Variants in SCGN observed in about 807,000 individuals in gnomAD.
SCGN encodes secretagogin.
A neutral mutation model predicts 39.7 loss-of-function variants in SCGN; 30 were observed. The ratio of observed to expected loss-of-function variants is 0.76; its 90% CI spans 0.57 to 1.03. SCGN has a LOEUF of 1.03. Ranked by LOEUF, SCGN falls within the 50% of genes least tolerant of loss-of-function variation. The pLI is 0.00. For missense variants in SCGN, 353 were observed against 349.4 expected, an observed-to-expected ratio of 1.01 and a Z score of -0.08; for synonymous variants, 106 against 114.1, an observed-to-expected ratio of 0.93 and a Z score of 0.45.
intron 6 of SCGN, among the ~76,000 whole-genome samples, chr6:25,674,516 C>T (rs892352539): frequency 8.5e-5 from 13 of 152,160 alleles, no homozygotes; most frequent in East Asian, 1.9e-4. Flanking sequence ...CGTGAAATCA[C>T]GTTATTGCTG....
Position 25,668,931 on chromosome 6 carries a change from G to A in SCGN, c.337-580G>A, listed in dbSNP as rs1205959944. Among the ~76,000 whole-genome samples the A allele has an allele frequency of 2.0e-5, 3 of 152,084 alleles. 1 individual carries two copies. Among genetic ancestry groups the A allele is most frequent in the Non-Finnish European group, 4.4e-5 (3 of 68,016 alleles). ...TCGAGACCATCCTGGCTAACACGGT[G>A]AAACCCCATCTCTACTAAAAATACC... is the stretch of plus-strand genomic sequence containing the variant. On this transcript the variant is annotated intron_variant, in intron 4 of 10. Transcript: ENST00000377961.
At chr6:25,667,449 T>C (rs1475979894) in intron 4 of SCGN, among the ~76,000 whole-genome samples, 2 of 152,168 alleles carry the variant, frequency 1.3e-5, no homozygotes, top group African/African-American at 4.8e-5. Flanking sequence ...TAAGTTAATG[T>C]CTTTACTTTT....
At chr6:25,659,525 G>T (rs149731118) in intron 2 of SCGN, among the ~76,000 whole-genome samples, 8 of 152,274 alleles carry the variant, frequency 5.3e-5, no homozygotes, top group African/African-American at 1.7e-4. Flanking sequence ...TTCTTAGAAA[G>T]GGTGCCAAAC....
chr6:25,700,241 C>CAAA (rs34079471), intron 10 of SCGN, among the ~76,000 whole-genome samples: 37,389 of 99,596 alleles, frequency 0.38, 7,295 homozygotes, highest in Middle Eastern at 0.42. Flanking sequence ...GACTTCGTCT[C>CAAA]AAAAAAAAAA....
At chr6:25,675,179 G>A (rs1759548576) in intron 6 of SCGN, among the ~76,000 whole-genome samples, 2 of 152,178 alleles carry the variant, frequency 1.3e-5, no homozygotes, top group South Asian at 4.1e-4. Flanking sequence ...TCAACAAAGG[G>A]AGAAGAAAAA....
At chr6:25,679,419 A>T (rs1012520360) in intron 6 of SCGN, among the ~76,000 whole-genome samples, 2 of 152,156 alleles carry the variant, frequency 1.3e-5, no homozygotes, top group South Asian at 4.1e-4. Flanking sequence ...GGAATACTTC[A>T]TCATCATTCC....
intron 2 of SCGN, among the ~76,000 whole-genome samples, chr6:25,653,873 C>A (rs1760178535): frequency 6.6e-6 from 1 of 152,198 alleles, no homozygotes; most frequent in South Asian, 2.1e-4. Context: ...AACCACAAAC[C>A]ATTTAAAATC....
rs753328265 is a variant in SCGN at position 25,697,730 on chromosome 6, C to G, written c.703-3477C>G. Among the ~76,000 whole-genome samples, 161 of 152,320 alleles carry G rather than the reference C, an allele frequency of 1.1e-3. 2 individuals carry two copies. The highest frequency in any genetic ancestry group is 6.8e-3 in the Middle Eastern group (2 of 294). ...CCCTATTGCCAAGATTAAAGGGAGA[C>G]AGGTCAGCATTTTTCAATCAATTTT... On this transcript the variant is annotated intron_variant, in intron 10 of 10. Coordinates refer to ENST00000377961, the MANE Select transcript of SCGN (RefSeq NM_006998.4).
chr6:25,683,242 G>A (rs371535770), intron 7 of SCGN, among the ~76,000 whole-genome samples: 1 of 152,312 alleles, frequency 6.6e-6, no homozygotes, highest in African/African-American at 2.4e-5. Context: ...TTGGTCAATG[G>A]AGGCAGGGTT....
At chr6:25,682,213 G>A (rs115260174) in intron 7 of SCGN, among the ~76,000 whole-genome samples, 2,971 of 152,186 alleles carry the variant, frequency 0.02, 68 homozygotes, top group African/African-American at 0.061. Context: ...TCTCCAAAAC[G>A]CACAACACAC....
At chr6:25,677,244 C>T (rs1455223382) in intron 6 of SCGN, among the ~76,000 whole-genome samples, 3 of 152,152 alleles carry the variant, frequency 2.0e-5, no homozygotes, top group Non-Finnish European at 2.9e-5. Context: ...TGTCACATTG[C>T]TCTGTCTCTT....
chr6:25,653,038 G>A (rs1561758338), intron 1 of SCGN, among the ~76,000 whole-genome samples: 1 of 152,130 alleles, frequency 6.6e-6, no homozygotes, highest in African/African-American at 2.4e-5. Flanking sequence ...TGCAAACTGG[G>A]ATTCAATACT....
At chr6:25,665,958 T>C (rs1760417637) in intron 4 of SCGN, among the ~76,000 whole-genome samples, 2 of 152,310 alleles carry the variant, frequency 1.3e-5, no homozygotes, top group South Asian at 4.1e-4. Context: ...AGAATAATTT[T>C]ATGGAAAGTA....
intron 1 of SCGN, among the ~76,000 whole-genome samples, 158 bp downstream of exon 1, chr6:25,652,643 A>G (rs1234039991): frequency 1.3e-5 from 2 of 152,196 alleles, no homozygotes; most frequent in Non-Finnish European, 2.9e-5. Flanking sequence ...GACGTTTGGC[A>G]TACTGGTGAT....
intron 7 of SCGN, among the ~76,000 whole-genome samples, chr6:25,684,858 G>C (rs2151381548): frequency 6.6e-6 from 1 of 152,244 alleles, no homozygotes; most frequent in South Asian, 2.1e-4. Context: ...TCCAGAACTG[G>C]TGACTATTTT....
chr6:25,684,049 C>A (rs887672599), intron 7 of SCGN, among the ~76,000 whole-genome samples: 1 of 152,204 alleles, frequency 6.6e-6, no homozygotes, highest in Non-Finnish European at 1.5e-5. Flanking sequence ...CCTAATATCC[C>A]TAGCCCTATG....
intron 4 of SCGN, 91 bp downstream of exon 4, chr6:25,665,123 A>G: frequency 1.0e-6 from 1 of 969,146 alleles, no homozygotes; most frequent in Non-Finnish European, 1.6e-6. Context: ...ACTCCTGCCC[A>G]GTGCTCAAGG....
intron 1 of SCGN, 50 bp downstream of exon 1, chr6:25,652,535 C>A: frequency 6.4e-7 from 1 of 1,562,466 alleles, no homozygotes. Context: ...TGGCTCCAAG[C>A]TCAGCCCGCT....
At chr6:25,675,411 T>C in intron 6 of SCGN, among the ~76,000 whole-genome samples, 1 of 152,254 alleles carries the variant, frequency 6.6e-6, no homozygotes, top group Non-Finnish European at 1.5e-5. Flanking sequence ...AACGGTTATG[T>C]GCAATCCTAA....
Sources: gnomAD v4.1 joint callset for allele counts (sites outside exome capture counted in the v4.1 genomes callset) on GRCh38, gnomAD v4.1.1 for gene constraint, MANE v1.5 for transcripts, NCBI Gene and HGNC (gene_info 2026-07-23, HGNC 2026-07-21) for gene names.